The following CCNH variants were observed in gnomAD, a reference collection of about 807,000 sequenced individuals.
CCNH encodes the protein cyclin H.
In CCNH, 31 loss-of-function variants were observed where a neutral mutation model predicts 41.9. The observed-to-expected ratio is 0.74, with a 90% CI of 0.56 to 1.00. CCNH has a LOEUF of 1.00. Among genes scored for constraint, CCNH ranks in the 50% least tolerant of loss-of-function variants. The probability of loss-of-function intolerance (pLI) is 0.00; values close to 1 mark genes in which losing one functional copy is unlikely to be tolerated. For synonymous variants in CCNH, 138 were observed against 136.1 expected (o/e 1.01, Z -0.10); for missense variants, 362 against 388.4 (o/e 0.93, Z 0.57).
At position 87,330,846 on chromosome 5, in the gene CCNH, A is replaced by T; in HGVS notation, c.*91-11949T>A. Reference sequence around the variant, plus strand: ...AATCAGCTTCACGTTCAAACAGGAAATTAAAATAGCATCCTTTAGACAGTG... The same window carrying T: ...AATCAGCTTCACGTTCAAACAGGAATTTAAAATAGCATCCTTTAGACAGTG... On this transcript the variant is annotated intron_variant and NMD_transcript_variant, in intron 9 of 9. Transcript: ENST00000645953. The T allele has an allele frequency of 4.3e-6, 3 of 701,048 alleles. No homozygotes were observed. The East Asian group carries it at 9.8e-5, about 23-fold the overall frequency. 43.4% of individuals were successfully genotyped at this position (701,048 alleles called of 1,614,324 possible). A position where few individuals can be genotyped will look rare whatever the true frequency, so the allele number is the denominator to read the frequency against.
intron 9 of CCNH, among the ~76,000 whole-genome samples, chr5:87,335,322 T>A (rs1757884418): frequency 6.6e-6 from 1 of 152,020 alleles, no homozygotes; most frequent in Admixed American, 6.6e-5. Context: ...TGAGTAAAAA[T>A]TTGAATTTTA....
downstream of CCNH, chr5:87,393,538 T>TAATA (rs538101314): frequency 6.6e-6 from 1 of 152,230 alleles, no homozygotes; most frequent in Non-Finnish European, 1.5e-5. Flanking sequence ...TAATTTGCTG[T>TAATA]AATAGTCTGT....
intron 4 of CCNH, among the ~76,000 whole-genome samples, chr5:87,406,322 C>G (rs1763786713): frequency 1.3e-5 from 2 of 152,132 alleles, no homozygotes; most frequent in South Asian, 4.1e-4. Flanking sequence ...ACTACTAGCT[C>G]TTTGCCTCAG....
downstream of CCNH, among the ~76,000 whole-genome samples, chr5:87,375,732 C>G (rs554448505): frequency 6.6e-6 from 1 of 152,224 alleles, no homozygotes; most frequent in African/African-American, 2.4e-5. Flanking sequence ...TGAGATTTAC[C>G]AGTTCACATC....
the CCNH span, among the ~76,000 whole-genome samples, chr5:87,312,595 T>C: frequency 6.6e-6 from 1 of 152,342 alleles, no homozygotes; most frequent in South Asian, 2.1e-4. Context: ...CTGGGTCTCC[T>C]CTTTCTGGGC....
intron 9 of CCNH, among the ~76,000 whole-genome samples, chr5:87,369,037 A>G (rs146350864): frequency 1.6e-3 from 241 of 152,278 alleles, no homozygotes; most frequent in Non-Finnish European, 2.3e-3. Context: ...TTTATCTTTA[A>G]TAAGTGTTAA....
At chr5:87,394,231 G>C (rs1762737520), downstream of CCNH, 1 of 1,215,824 alleles carries the variant, frequency 8.2e-7, no homozygotes, top group African/African-American at 1.6e-5. Context: ...TTTGATATTA[G>C]TCACGATGGA....
intron 9 of CCNH, among the ~76,000 whole-genome samples, chr5:87,339,773 G>A (rs1487438994): frequency 6.6e-6 from 1 of 152,126 alleles, no homozygotes; most frequent in Non-Finnish European, 1.5e-5. Flanking sequence ...TAAATTAATA[G>A]TGGAGTAATT....
intron 9 of CCNH, among the ~76,000 whole-genome samples, chr5:87,332,948 G>A (rs1757702115): frequency 6.6e-6 from 1 of 152,074 alleles, no homozygotes; most frequent in Non-Finnish European, 1.5e-5. Context: ...TGACTTTGCT[G>A]CAAGATTCTG....
chr5:87,402,209 A>C (rs1287492564), intron 5 of CCNH, among the ~76,000 whole-genome samples: 26 of 152,212 alleles, frequency 1.7e-4, no homozygotes, highest in Non-Finnish European at 1.9e-4. Context: ...CTATTCCCTT[A>C]ATATGAAAGC....
At chr5:87,400,556 T>C (rs1353512165) in intron 6 of CCNH, among the ~76,000 whole-genome samples, 1 of 152,120 alleles carries the variant, frequency 6.6e-6, no homozygotes, top group East Asian at 1.9e-4. Flanking sequence ...AGTTTATAAT[T>C]CATAAATCAC....
rs747283068 is a variant in CCNH, at chr5:87,395,080, A to T, written c.897T>A (p.Asp299Glu). 1 of 1,611,818 alleles carries T rather than the reference A, an allele frequency of 6.2e-7. No individual in the cohort carries two copies. Among genetic ancestry groups the T allele is most frequent in the Admixed American group, 1.7e-5 (1 of 59,982 alleles). The change falls in exon 8 of 9, where the codon GAT (aspartate) becomes GAA (glutamate). Residue 299 changes from aspartate (D) to glutamate (E), a missense_variant. Coordinates refer to ENST00000256897, the MANE Select transcript of CCNH (RefSeq NM_001239.4). Reference protein sequence around the residue: ...VITKKRKGYEDDDYVSKKSKH... With the variant: ...VITKKRKGYEEDDYVSKKSKH... ...TGGATTTCTTTGAGACGTAATCATC[A>T]TCTTCATAGCCTTTCCTCTTCTTCC... is the stretch of plus-strand genomic sequence containing the variant.
chr5:87,318,035 T>TTTC (rs1192506057), downstream of CCNH, among the ~76,000 whole-genome samples: 5 of 152,152 alleles, frequency 3.3e-5, no homozygotes, highest in African/African-American at 1.2e-4. Context: ...ATGAAACAGT[T>TTTC]TTCTAAAGGA....
intron 9 of CCNH, among the ~76,000 whole-genome samples, chr5:87,319,307 ACT>A (rs1378428677): frequency 3.3e-5 from 5 of 151,656 alleles, no homozygotes; most frequent in African/African-American, 1.2e-4. Flanking sequence ...CCTAGTGGAG[ACT>A]CTCTGTGAGG....
Position 87,362,258 on chromosome 5 carries a change from T to C in CCNH, c.*90+30512A>G, listed in dbSNP as rs184377900. On this transcript the variant is annotated intron_variant and NMD_transcript_variant, in intron 9 of 9. Coordinates refer to the CCNH transcript ENST00000645953. ...TTAAAACATGATTTGCTGTAAAATA[T>C]AACTGACTGTATTCGAAAATAGCTT... 3.8e-4 allele frequency among the ~76,000 whole-genome samples: 58 copies of C among 152,304 alleles called. 4 individuals carry two copies. In the East Asian group the frequency reaches 6.9e-3, roughly 18 times the overall value.
At chr5:87,396,019 GACTAAACCAACT>G (rs1399476588) in intron 7 of CCNH, among the ~76,000 whole-genome samples, 1 of 151,622 alleles carries the variant, frequency 6.6e-6, no homozygotes, top group Non-Finnish European at 1.5e-5. Flanking sequence ...CACATCTGTG[GACTAAACCAACT>G]GCGGATTGAA....
intron 1 of CCNH, among the ~76,000 whole-genome samples, chr5:87,411,780 T>C: frequency 6.6e-6 from 1 of 152,264 alleles, no homozygotes; most frequent in Non-Finnish European, 1.5e-5. Flanking sequence ...TATTTTAAGC[T>C]ACCCAGTTTG....
intron 9 of CCNH, chr5:87,363,432 C>T: frequency 6.2e-7 from 1 of 1,611,382 alleles, no homozygotes; most frequent in African/African-American, 1.3e-5. Context: ...GAAAAACGAG[C>T]TACCAAACCA....
intron 9 of CCNH, among the ~76,000 whole-genome samples, chr5:87,365,193 CCT>C (rs1561312794): frequency 6.6e-6 from 1 of 151,776 alleles, no homozygotes; most frequent in African/African-American, 2.4e-5. Context: ...ATAGGTGTCC[CCT>C]GAGATACTAG....
Sources: allele counts gnomAD v4.1 joint callset (sites outside exome capture counted in the v4.1 genomes callset), GRCh38; gene constraint gnomAD v4.1.1; transcripts MANE v1.5; gene names NCBI Gene and HGNC (gene_info 2026-07-23, HGNC 2026-07-21).